Variants in RSKR observed in about 807,000 individuals in gnomAD.
RSKR encodes the protein ribosomal protein S6 kinase-related protein.
Under a neutral mutation model 56.8 loss-of-function variants are expected in RSKR, and 44 were observed. The ratio of observed to expected loss-of-function variants is 0.77; its 90% CI spans 0.61 to 1.00. The LOEUF is 1.00. Among genes scored for constraint, RSKR ranks in the 50% least tolerant of loss-of-function variants. The pLI is 0.00. For missense variants in RSKR, 510 were observed against 506.9 expected (o/e 1.01, Z -0.06); for synonymous variants, 181 against 188.0 (o/e 0.96, Z 0.30).
At position 28,612,373 on chromosome 17, in the gene RSKR, A is replaced by C. The variant is rs1193789974; in HGVS notation, c.548-7T>G. 6.2e-7 allele frequency: 1 copy of C among 1,612,464 alleles called. No homozygotes were observed. Among genetic ancestry groups the C allele is most frequent in the East Asian group, 2.2e-5 (1 of 44,866 alleles). ...GTGCTGCAGTAGCTACACACTGCAA[A>C]GCCAGTGTGGAGCTACATACATTGC... On this transcript the variant is annotated splice_polypyrimidine_tract_variant and splice_region_variant and intron_variant, in intron 5 of 11. Transcript: ENST00000301037.
Position 28,613,249 on chromosome 17 carries a change from T to C in RSKR, c.408+13A>G, listed in dbSNP as rs1330692806. 4 of 1,614,036 alleles carry C rather than the reference T, an allele frequency of 2.5e-6. No individual in the cohort carries two copies. The highest frequency in any genetic ancestry group is 2.5e-6 in the Non-Finnish European group (3 of 1,180,032). On this transcript the variant is annotated intron_variant, in intron 3 of 11. Transcript: ENST00000301037. ...ATTGGAAACAGAGACTAATGTGGTA[T>C]CTACGCCCCTACCTTCACTGCAAAT...
rs200781902 is a variant in RSKR, at chr17:28,612,044, C to T, written c.693G>A (p.Lys231=). 5.0e-5 allele frequency: 80 copies of T among 1,614,188 alleles called. No individual in the cohort carries two copies. The highest frequency in any genetic ancestry group is 6.4e-5 in the Non-Finnish European group (75 of 1,180,038). The part of the protein sequence containing the change: ...HDLGIMHRDV[K]MENILLDERG... ...AAGGGAAAAAAGCACTTAACTCTAC[C>T]TTCACATCTCGATGCATGATGCCCA... is the stretch of plus-strand genomic sequence containing the variant. The change falls in exon 7 of 12, where the codon AAG becomes AAA. Residue 231 remains lysine, a splice_region_variant and synonymous_variant. Transcript: ENST00000301037.
Position 28,613,337 on chromosome 17 carries a change from G to C in RSKR, c.333C>G (p.Gly111=). 1 of 1,614,184 alleles carries C rather than the reference G, an allele frequency of 6.2e-7. No individual in the cohort carries two copies. The highest frequency in any genetic ancestry group is 8.5e-7 in the Non-Finnish European group (1 of 1,180,032). The change falls in exon 3 of 12, where the codon GGC becomes GGG. Residue 111 remains glycine, a synonymous_variant. Transcript: ENST00000301037. ...IRGQQQLKIL[G]LVAKGSFGTV... is the part of the protein sequence containing the mutation. ...TTCCAAAGGAGCCTTTAGCCACGAG[G>C]CCTAAAATCTGTACAGAGGAATGGA...
At position 28,611,559 on chromosome 17, in the gene RSKR, T is replaced by C. The variant is rs767109310; in HGVS notation, c.811+8A>G. 5.8e-6 allele frequency: 9 copies of C among 1,555,052 alleles called. No homozygotes were observed. The South Asian group carries it at 1.1e-4, about 19-fold the overall frequency. Reference sequence around the variant, plus strand: ...CAATGCTTACCCATCAGCTTTAACCTCTCTCACCCATGTACTGAAGAGTGC... The same window carrying C: ...CAATGCTTACCCATCAGCTTTAACCCCTCTCACCCATGTACTGAAGAGTGC... On this transcript the variant is annotated splice_region_variant and intron_variant, in intron 9 of 11. Transcript: ENST00000301037.
rs769994764 is a variant in RSKR, at chr17:28,611,381, C to T, written c.900+12G>A. 3.2e-6 allele frequency: 5 copies of T among 1,563,232 alleles called. No individual in the cohort carries two copies. Among genetic ancestry groups the T allele is most frequent in the Non-Finnish European group, 4.3e-6 (5 of 1,160,698 alleles). ...AGCTCTTCTCTGCCCAAAACTACTA[C>T]TATTCTCTCACCTTTCCAGTCGCCA... On this transcript the variant is annotated intron_variant, in intron 10 of 11. Coordinates refer to ENST00000301037, the MANE Select transcript of RSKR (RefSeq NM_001174103.2).
Position 28,610,044 on chromosome 17 carries a change from C to G in RSKR, c.*434G>C. On this transcript the variant is annotated 3_prime_UTR_variant, in exon 12 of 12. Transcript: ENST00000301037. ...CTCCAGCCTGGGCAACAGAGTGAGA[C>G]TCTGTCTCAAAAAAAAAAAAAAAAT... 6.1e-6 allele frequency: 1 copy of G among 164,160 alleles called. No individual in the cohort carries two copies. The highest frequency in any genetic ancestry group is 1.5e-4 in the South Asian group (1 of 6,606). The allele number at this position is 164,160 out of a possible 1,614,324, so 10.2% of individuals were successfully genotyped here. A position where few individuals can be genotyped will look rare whatever the true frequency, so the allele number is the denominator to read the frequency against.
intron 1 of RSKR, 135 bp from the exon 2 acceptor site, chr17:28,613,823 T>C: frequency 1.6e-6 from 2 of 1,287,774 alleles, no homozygotes; most frequent in East Asian, 5.0e-5. Context: ...AAATTCCCAT[T>C]ACCCTTGCTT....
chr17:28,612,308 A>G lies in RSKR; in HGVS notation c.606T>C (p.Pro202=). ...YSLWSAVGCF[P]EASIRLFAAE... The stretch of plus-strand genomic sequence containing the variant: ...CAGCAAAGAGACGGATGGAAGCCTC[A>G]GGAAAGCAGCCAACAGCCGACCAAA... The change falls in exon 6 of 12, where the codon CCT becomes CCC. Residue 202 remains proline, a synonymous_variant. Transcript: ENST00000301037. 1 of 1,614,216 alleles carries G rather than the reference A, an allele frequency of 6.2e-7. No homozygotes were observed. Among genetic ancestry groups the G allele is most frequent in the Non-Finnish European group, 8.5e-7 (1 of 1,180,036 alleles).
chr17:28,611,694 C>T, intron 8 of RSKR, 38 bp from the exon 9 acceptor site: 1 of 1,612,376 alleles, frequency 6.2e-7, no homozygotes, highest in Admixed American at 1.7e-5. Context: ...CACTGTTCCA[C>T]CCATCATCAG....
chr17:28,613,338 C>G lies in RSKR; in HGVS notation c.332G>C (p.Gly111Ala). 6.2e-7 allele frequency: 1 copy of G among 1,614,184 alleles called. No homozygotes were observed. Among genetic ancestry groups the G allele is most frequent in the Non-Finnish European group, 8.5e-7 (1 of 1,180,030 alleles). ...TCCAAAGGAGCCTTTAGCCACGAGG[C>G]CTAAAATCTGTACAGAGGAATGGAG... Reference protein sequence around the residue: ...IRGQQQLKILGLVAKGSFGTV... With the variant: ...IRGQQQLKILALVAKGSFGTV... Residue 111 changes from glycine (G) to alanine (A), a missense_variant, in exon 3 of 12, where the codon GGC becomes GCC. Coordinates refer to ENST00000301037, the MANE Select transcript of RSKR (RefSeq NM_001174103.2).
chr17:28,610,740 G>A (rs1235443554), intron 11 of RSKR, 41 bp from the exon 12 acceptor site: 1 of 1,512,140 alleles, frequency 6.6e-7, no homozygotes, highest in Non-Finnish European at 8.9e-7. Flanking sequence ...GACTAGGACA[G>A]GACAGGCCTG....
chr17:28,610,702 G>A lies in RSKR; in HGVS notation c.1012-3C>T, dbSNP rs543920697. ...TGGAGGGGGTTCTGGCATAAGAGCT[G>A]AAGGAAAATAGAGCATGAAGGATGA... On this transcript the variant is annotated splice_region_variant and splice_polypyrimidine_tract_variant and intron_variant, in intron 11 of 11. Transcript: ENST00000301037. 7.8e-6 allele frequency: 12 copies of A among 1,536,062 alleles called. No homozygotes were observed. In the South Asian group the frequency reaches 1.1e-4, roughly 14 times the overall value.
At position 28,611,584 on chromosome 17, in the gene RSKR, CCA is replaced by C. The variant is rs1158512996; in HGVS notation, c.792_793del (p.Cys264TrpfsTer21). 4 of 1,557,444 alleles carry C rather than the reference CCA, an allele frequency of 2.6e-6. No individual in the cohort carries two copies. In the African/African-American group the frequency reaches 5.5e-5, roughly 21 times the overall value. ...TCTCTCACCCATGTACTGAAGAGTGCCACAGATAGTGTAGGCTTGAGCTCCCT... is the reference window on the plus strand; with the variant it reads ...TCTCTCACCCATGTACTGAAGAGTGCCAGATAGTGTAGGCTTGAGCTCCCT... On this transcript the variant is annotated frameshift_variant, in exon 9 of 12. Transcript: ENST00000301037. LOFTEE classifies it high-confidence loss of function.
Position 28,613,527 on chromosome 17 carries a change from A to C in RSKR, c.237T>G (p.Pro79=). The change falls in exon 2 of 12, where the codon CCT becomes CCG. Residue 79 remains proline (P), a synonymous_variant. Coordinates refer to ENST00000301037, the MANE Select transcript of RSKR (RefSeq NM_001174103.2). The part of the protein sequence containing the change: ...LKPAPVLVEK[P]LPEWPVPQFI... ...ACTGAGGCACTGGCCACTCTGGCAG[A>C]GGCTTCTCTACCAGTACTGGGGCTG... 1 of 1,614,226 alleles carries C rather than the reference A, an allele frequency of 6.2e-7. No individual in the cohort carries two copies. Among genetic ancestry groups the C allele is most frequent in the Non-Finnish European group, 8.5e-7 (1 of 1,180,046 alleles).
At position 28,608,092 on chromosome 17, in the gene RSKR, A is replaced by C. The variant is rs1000783666; in HGVS notation, c.*2386T>G. The C allele has an allele frequency of 6.6e-6, 1 of 152,220 alleles. No individual in the cohort carries two copies. The highest frequency in any genetic ancestry group is 2.4e-5 in the African/African-American group (1 of 41,462). The allele number at this position is 152,220 out of a possible 1,614,324, so 9.4% of individuals were successfully genotyped here. ...GAGAATAAGGAAAATAAAAGTAGAA[A>C]AGGAAGACAGAACCAAGAACATGAC... On this transcript the variant is annotated 3_prime_UTR_variant, in exon 12 of 12. Transcript: ENST00000301037.
chr17:28,611,896 A>C, intron 7 of RSKR, 101 bp from the exon 8 acceptor site: 1 of 1,611,614 alleles, frequency 6.2e-7, no homozygotes. Context: ...CAGCACTCAA[A>C]TCTATACTCA....
chr17:28,614,002 A>G, intron 1 of RSKR, 85 bp downstream of exon 1: 1 of 1,540,772 alleles, frequency 6.5e-7, no homozygotes, highest in Non-Finnish European at 8.8e-7. Flanking sequence ...AATCACTTCC[A>G]TGCTCCTAAC....
In RSKR at chr17:28,612,060, ATGATGCC is replaced by A; in HGVS notation, c.670_676del (p.Gly224CysfsTer5). On this transcript the variant is annotated frameshift_variant, in exon 7 of 12. Coordinates refer to ENST00000301037, the MANE Select transcript of RSKR (RefSeq NM_001174103.2). LOFTEE classifies it high-confidence loss of function. Reference sequence around the variant, plus strand: ...TAACTCTACCTTCACATCTCGATGCATGATGCCCAAGTCATGGAGATAACCTGTGGAT... The same window carrying A: ...TAACTCTACCTTCACATCTCGATGCACAAGTCATGGAGATAACCTGTGGAT... 6.2e-7 allele frequency: 1 copy of A among 1,614,212 alleles called. No homozygotes were observed. Among genetic ancestry groups the A allele is most frequent in the Admixed American group, 1.7e-5 (1 of 60,010 alleles).
chr17:28,614,111 G>T lies in RSKR; in HGVS notation c.51C>A (p.His17Gln). 2 of 1,613,662 alleles carry T rather than the reference G, an allele frequency of 1.2e-6. No individual in the cohort carries two copies. Among genetic ancestry groups the T allele is most frequent in the Non-Finnish European group, 8.5e-7 (1 of 1,179,930 alleles). ...RQGQHTQQGEHTRVAVPHKQG... is the reference protein window; with the variant it reads ...RQGQHTQQGEQTRVAVPHKQG... Reference sequence around the variant, plus strand: ...CCTTGTGAGGGACAGCCACCCGGGTGTGTTCCCCCTGCTGGGTGTGCTGCC... The same window carrying T: ...CCTTGTGAGGGACAGCCACCCGGGTTTGTTCCCCCTGCTGGGTGTGCTGCC... The change falls in exon 1 of 12, where the codon CAC becomes CAA. Residue 17 changes from histidine to glutamine, a missense_variant. His to Gln is a conservative substitution (Grantham distance 24, BLOSUM62 0). Transcript: ENST00000301037.
Sources: gnomAD v4.1 joint callset for allele counts on GRCh38, gnomAD v4.1.1 for gene constraint, MANE v1.5 for transcripts, NCBI Gene and HGNC (gene_info 2026-07-23, HGNC 2026-07-21) for gene names.